FAM169A: variants seen among roughly 807,000 people sequenced by gnomAD.
FAM169A encodes soluble lamin-associated protein of 75 kDa.
FAM169A carries 24 observed loss-of-function variants against 75.7 expected under a neutral mutation model. That is an observed-to-expected ratio of 0.32 (90% CI 0.23 to 0.45). The LOEUF (loss-of-function observed/expected upper bound fraction) is 0.45, where lower values mean the gene tolerates loss of function less well. Among genes scored for constraint, FAM169A ranks in the 20% least tolerant of loss-of-function variants. The pLI is 1.00. For missense variants in FAM169A, 673 were observed against 784.0 expected, an observed-to-expected ratio of 0.86 and a Z score of 1.69; for synonymous variants, 271 against 271.0, an observed-to-expected ratio of 1.00 and a Z score of 0.00.
chr5:74,807,109 C>G (rs1209085045), intron 6 of FAM169A, among the ~76,000 whole-genome samples: 2 of 152,166 alleles, frequency 1.3e-5, no homozygotes, highest in East Asian at 3.8e-4. Context: ...CAGATGCTCC[C>G]TGACTTACAC....
At chr5:74,839,442 C>T (rs1748740524) in intron 3 of FAM169A, among the ~76,000 whole-genome samples, 1 of 152,002 alleles carries the variant, frequency 6.6e-6, no homozygotes, top group African/African-American at 2.4e-5. Context: ...CCATGTAAGA[C>T]GTGCCTGCTT....
intron 11 of FAM169A, among the ~76,000 whole-genome samples, chr5:74,790,899 C>T (rs112367022): frequency 1.1e-3 from 169 of 152,286 alleles, no homozygotes; most frequent in African/African-American, 3.9e-3. Context: ...ATGGAAAGAG[C>T]AGAGGTTTGT....
intron 11 of FAM169A, among the ~76,000 whole-genome samples, chr5:74,785,852 G>A (rs1412273919): frequency 6.6e-6 from 1 of 152,190 alleles, no homozygotes; most frequent in Non-Finnish European, 1.5e-5. Context: ...TATACAAATG[G>A]CCAACAAACA....
At position 74,813,852 on chromosome 5, in the gene FAM169A, G is replaced by A. The variant is rs746343462; in HGVS notation, c.658C>T (p.Leu220Phe). The stretch of plus-strand genomic sequence containing the variant: ...TTAGTCCATTTACCTGTATACATGA[G>A]AGAAGACAGTGGATACCGCAAGCCA... ...ALGLRYPLSS[L>F]MYTACKQYFE... The change falls in exon 6 of 13, where the codon CTC (leucine) becomes TTC (phenylalanine). Residue 220 changes from leucine (L) to phenylalanine (F), a missense_variant. Leu to Phe is a conservative substitution (Grantham distance 22). This residue lies in a region of FAM169A where 510 missense variants were observed against 550.9 expected (regional missense o/e 0.93). Transcript: ENST00000687041. The A allele has an allele frequency of 6.3e-6, 10 of 1,578,866 alleles. No individual in the cohort carries two copies. The highest frequency in any genetic ancestry group is 6.0e-6 in the Non-Finnish European group (7 of 1,169,478).
intron 6 of FAM169A, among the ~76,000 whole-genome samples, chr5:74,812,651 C>G (rs1246602389): frequency 6.6e-6 from 1 of 152,018 alleles, no homozygotes; most frequent in Non-Finnish European, 1.5e-5. Context: ...AATAACCCCC[C>G]CCCAAAATGG....
intron 4 of FAM169A, among the ~76,000 whole-genome samples, chr5:74,836,071 C>T (rs1748558401): frequency 6.6e-6 from 1 of 152,212 alleles, no homozygotes; most frequent in Admixed American, 6.5e-5. Flanking sequence ...CATAACATCT[C>T]TCTTCATGTT....
At chr5:74,795,740 A>C (rs1746238669) in intron 11 of FAM169A, among the ~76,000 whole-genome samples, 1 of 152,220 alleles carries the variant, frequency 6.6e-6, no homozygotes, top group South Asian at 2.1e-4. Flanking sequence ...TAATTCCACA[A>C]ATTAACTTAT....
chr5:74,844,296 C>G lies in FAM169A; in HGVS notation c.-3-2617G>C, dbSNP rs550200629. Among the ~76,000 whole-genome samples, 4 of 151,816 alleles carry G rather than the reference C, an allele frequency of 2.6e-5. No individual in the cohort carries two copies. In the South Asian group the frequency reaches 8.3e-4, roughly 32 times the overall value. On this transcript the variant is annotated intron_variant, in intron 1 of 12. Transcript: ENST00000687041. ...TGGGCCACACAGTGAGACCTTGGCT[C>G]TACAAAAATATGAAAATTAGCCGGG...
Position 74,784,510 on chromosome 5 carries a change from C to CAAAAAAAAAAAAAAAAAA in FAM169A, c.1261-1394_1261-1377dup, listed in dbSNP as rs200414695. On this transcript the variant is annotated intron_variant, in intron 11 of 12. Transcript: ENST00000687041. ...AGGGAGACAGAGCAAGACTCCGTCTCAAAAAAAAAAAAAAAAAAACAAGAA... is the reference window on the plus strand; with the variant it reads ...AGGGAGACAGAGCAAGACTCCGTCTCAAAAAAAAAAAAAAAAAAAAAAAAAAAAAAAAAAAAACAAGAA... 5.0e-4 allele frequency among the ~76,000 whole-genome samples: 15 copies of CAAAAAAAAAAAAAAAAAA among 29,862 alleles called. 2 individuals are homozygous for CAAAAAAAAAAAAAAAAAA. The highest frequency in any genetic ancestry group is 2.5e-3 in the African/African-American group (12 of 4,894). The allele number at this position is 29,862 out of a possible 152,430, so 19.6% of individuals were successfully genotyped here.
Position 74,801,565 on chromosome 5 carries a change from CTGATA to C in FAM169A, c.952+20_952+24del, listed in dbSNP as rs766798055. 1.3e-6 allele frequency: 2 copies of C among 1,572,164 alleles called. No homozygotes were observed. Among genetic ancestry groups the C allele is most frequent in the Admixed American group, 3.3e-5 (2 of 59,938 alleles). The stretch of plus-strand genomic sequence containing the variant: ...TAATTTGAAGTGTCTCAAATACTTA[CTGATA>C]TATCAGTTGAATTTCTTACCTTCGG... On this transcript the variant is annotated intron_variant, in intron 9 of 12. Coordinates refer to ENST00000687041, the MANE Select transcript of FAM169A (RefSeq NM_001376049.1).
rs1308895981 is a variant in FAM169A, at chr5:74,826,917, T to C, written c.490+7509A>G. 2.6e-5 allele frequency among the ~76,000 whole-genome samples: 4 copies of C among 152,200 alleles called. No individual in the cohort carries two copies. In the East Asian group the frequency reaches 5.8e-4, roughly 22 times the overall value. ...ATCCCTAAACTCTGGTCTTCGATAA[T>C]TCCTCCATCTCCCCTTGTCACTCAT... On this transcript the variant is annotated intron_variant, in intron 5 of 12. Transcript: ENST00000687041.
intron 7 of FAM169A, among the ~76,000 whole-genome samples, chr5:74,804,924 G>A (rs1746786286): frequency 1.3e-5 from 2 of 152,126 alleles, no homozygotes; most frequent in African/African-American, 2.4e-5. Context: ...CTACTGGGCT[G>A]TTCTAGGTCT....
intron 1 of FAM169A, among the ~76,000 whole-genome samples, chr5:74,863,949 T>A (rs1051195829): frequency 6.6e-6 from 1 of 152,154 alleles, no homozygotes; most frequent in African/African-American, 2.4e-5. Context: ...TAGCAGGCAA[T>A]CTTTGCTTAC....
At chr5:74,793,659 A>C (rs1172987544) in intron 11 of FAM169A, among the ~76,000 whole-genome samples, 2 of 152,066 alleles carry the variant, frequency 1.3e-5, no homozygotes, top group Non-Finnish European at 2.9e-5. Context: ...ACCACTAATG[A>C]ATTTATCCAT....
At chr5:74,810,114 G>A (rs891817284) in intron 6 of FAM169A, among the ~76,000 whole-genome samples, 24 of 151,996 alleles carry the variant, frequency 1.6e-4, no homozygotes, top group African/African-American at 5.1e-4. Context: ...ATAATCAAAG[G>A]GAGGAATACT....
intron 5 of FAM169A, among the ~76,000 whole-genome samples, chr5:74,825,732 T>C (rs553903452): frequency 2.6e-5 from 4 of 152,310 alleles, no homozygotes; most frequent in Admixed American, 1.3e-4. Context: ...AAGGCATTAT[T>C]CCACTTCTAG....
intron 5 of FAM169A, among the ~76,000 whole-genome samples, chr5:74,828,745 T>C (rs898468094): frequency 6.6e-6 from 1 of 152,192 alleles, no homozygotes; most frequent in African/African-American, 2.4e-5. Flanking sequence ...GATTATAAAG[T>C]TTTGTTGCTG....
At chr5:74,846,008 A>T (rs1159792755) in intron 1 of FAM169A, among the ~76,000 whole-genome samples, 1 of 152,244 alleles carries the variant, frequency 6.6e-6, no homozygotes, top group African/African-American at 2.4e-5. Context: ...ACACGAAACA[A>T]ATGGTCAATA....
At chr5:74,820,501 T>G (rs899985440) in intron 5 of FAM169A, among the ~76,000 whole-genome samples, 1 of 152,144 alleles carries the variant, frequency 6.6e-6, no homozygotes, top group East Asian at 1.9e-4. Flanking sequence ...TAGGAACTCA[T>G]GTTTGACTCT....
Sources: gnomAD v4.1 joint callset for allele counts (sites outside exome capture counted in the v4.1 genomes callset) on GRCh38, gnomAD v4.1.1 for gene constraint, gnomAD v4.1.1 regional missense constraint, MANE v1.5 for transcripts, NCBI Gene and HGNC (gene_info 2026-07-23, HGNC 2026-07-21) for gene names.